GAD1: variants seen among roughly 807,000 people sequenced by gnomAD.
GAD1 encodes glutamate decarboxylase 1.
Under a neutral mutation model 75.2 loss-of-function variants are expected in GAD1, and 35 were observed. The observed-to-expected ratio is 0.47, with a 90% CI of 0.36 to 0.62. GAD1 has a LOEUF of 0.62. Among genes scored for constraint, GAD1 ranks in the 20% least tolerant of loss-of-function variants. GAD1 has a pLI of 0.00. For missense variants in GAD1, 490 were observed against 758.5 expected (o/e 0.65, Z 4.16); for synonymous variants, 257 against 271.9 (o/e 0.95, Z 0.54).
At chr2:170,840,658 A>AAGGGAGGTAGGGAAGGG (rs1553578766) in intron 6 of GAD1, among the ~76,000 whole-genome samples, 4 of 77,320 alleles carry the variant, frequency 5.2e-5, no homozygotes, top group Admixed American at 1.4e-4. Flanking sequence ...GGAGGTAGGG[A>AAGGGAGGTAGGGAAGGG]AGGGAGGGAG....
intron 4 of GAD1, 121 bp downstream of exon 4, chr2:170,829,754 A>G: frequency 3.6e-6 from 4 of 1,108,130 alleles, no homozygotes; most frequent in Admixed American, 4.2e-5. Flanking sequence ...CTGAACCCAC[A>G]TGAAACTGCT....
chr2:170,818,641 C>T lies in GAD1; in HGVS notation c.50C>T (p.Ala17Val), dbSNP rs1273863798. The T allele has an allele frequency of 4.3e-6, 7 of 1,614,114 alleles. No homozygotes were observed. The South Asian group carries it at 5.5e-5, about 13-fold the overall frequency. The change falls in exon 2 of 17, where the codon GCG (alanine) becomes GTG (valine). Residue 17 changes from alanine (A) to valine (V), a missense_variant. Physicochemically the swap from Ala to Val is moderately conservative, Grantham distance 64. This residue lies in a region of GAD1 where 165 missense variants were observed against 216.4 expected (regional missense o/e 0.76). Coordinates refer to ENST00000358196, the MANE Select transcript of GAD1 (RefSeq NM_000817.3). This position sits in a 1 kb window ranked among gnomAD's most constrained non-coding sequence, Gnocchi z 5.9. ...SSSATSSNAG[A>V]DPNTTNLRPT... ...TCCGCAACCTCCTCGAACGCGGGAG[C>T]GGACCCCAATACCACTAACCTGCGC...
rs138222870 is a variant in GAD1 at position 170,830,984 on chromosome 2, C to T, written c.339C>T (p.Thr113=). ...LLPAKNGEEQ[T]VQFLLEVVDI... ...CGGCTAAGAACGGTGAGGAGCAAAC[C>T]GTGCAATTCCTCCTGGAAGTGGTGG... is the stretch of plus-strand genomic sequence containing the variant. Residue 113 remains threonine (T), a synonymous_variant, in exon 5 of 17, where the codon ACC becomes ACT. Transcript: ENST00000358196. 7 of 1,614,144 alleles carry T rather than the reference C, an allele frequency of 4.3e-6. No individual in the cohort carries two copies. The highest frequency in any genetic ancestry group is 1.7e-5 in the Admixed American group (1 of 60,010).
rs201444526 is a variant in GAD1 at position 170,844,067 on chromosome 2, G to A, written c.661G>A (p.Val221Met). Reference sequence around the variant, plus strand: ...CAGGTTTACATATGAAATTGCACCAGTGTTTGTCCTCATGGAACAAATAAC... The same window carrying A: ...CAGGTTTACATATGAAATTGCACCAATGTTTGTCCTCATGGAACAAATAAC... Reference protein sequence around the residue: ...TNMFTYEIAPVFVLMEQITLK... With the variant: ...TNMFTYEIAPMFVLMEQITLK... The change falls in exon 7 of 17, where the codon GTG becomes ATG. Residue 221 changes from valine (V) to methionine (M), a missense_variant. Coordinates refer to ENST00000358196, the MANE Select transcript of GAD1 (RefSeq NM_000817.3). The A allele has an allele frequency of 3.7e-6, 6 of 1,603,504 alleles. No individual in the cohort carries two copies. The highest frequency in any genetic ancestry group is 5.1e-6 in the Non-Finnish European group (6 of 1,170,456).
intron 6 of GAD1, among the ~76,000 whole-genome samples, chr2:170,842,153 T>A (rs1382286622): frequency 6.6e-6 from 1 of 152,180 alleles, no homozygotes; most frequent in Non-Finnish European, 1.5e-5. Flanking sequence ...ATGCAAACCT[T>A]GGGCCTAATT....
chr2:170,823,617 C>T (rs1701949914), intron 3 of GAD1, among the ~76,000 whole-genome samples: 1 of 152,110 alleles, frequency 6.6e-6, no homozygotes, highest in Admixed American at 6.5e-5. Flanking sequence ...GGCCGCGGAT[C>T]TTTGTTCTAT....
At chr2:170,838,700 A>C (rs1347868901) in intron 6 of GAD1, among the ~76,000 whole-genome samples, 1 of 152,150 alleles carries the variant, frequency 6.6e-6, no homozygotes, top group Non-Finnish European at 1.5e-5. Context: ...ATATTCCTAA[A>C]CCAGAAAAAT....
intron 5 of GAD1, among the ~76,000 whole-genome samples, chr2:170,836,341 T>C (rs1702373720): frequency 6.6e-6 from 1 of 152,182 alleles, no homozygotes; most frequent in African/African-American, 2.4e-5. Context: ...TGTTAAAGCA[T>C]ACTGTGGGTT....
At position 170,818,180 on chromosome 2, in the gene GAD1, C is replaced by T. The variant is rs1701761486; in HGVS notation, c.-63-349C>T. Reference sequence around the variant, plus strand: ...GCTCACTGAGCGCTCCCCTGTGCTCCTAGCCTAGTCCCCCACACCCTTGCG... The same window carrying T: ...GCTCACTGAGCGCTCCCCTGTGCTCTTAGCCTAGTCCCCCACACCCTTGCG... On this transcript the variant is annotated intron_variant, in intron 1 of 16. Coordinates refer to ENST00000358196, the MANE Select transcript of GAD1 (RefSeq NM_000817.3). The surrounding 1 kb of genome is among the most constrained non-coding windows in gnomAD (Gnocchi z 5.9). 4.2e-6 allele frequency: 1 copy of T among 235,650 alleles called. No individual in the cohort carries two copies. 14.6% of individuals were successfully genotyped at this position (235,650 alleles called of 1,614,324 possible). A position where few individuals can be genotyped will look rare whatever the true frequency, so the allele number is the denominator to read the frequency against.
At chr2:170,852,154 T>C (rs1203416763) in intron 12 of GAD1, among the ~76,000 whole-genome samples, 1 of 152,232 alleles carries the variant, frequency 6.6e-6, no homozygotes, top group Non-Finnish European at 1.5e-5. Context: ...TTGGGTAATA[T>C]ATTTAACCTT....
At chr2:170,834,727 T>A (rs1238008433) in intron 5 of GAD1, among the ~76,000 whole-genome samples, 1 of 151,484 alleles carries the variant, frequency 6.6e-6, no homozygotes, top group East Asian at 1.9e-4. Context: ...TGAAAGCAAA[T>A]CCCCAACATA....
intron 10 of GAD1, among the ~76,000 whole-genome samples, chr2:170,846,616 T>C (rs2105800700): frequency 6.6e-6 from 1 of 152,296 alleles, no homozygotes; most frequent in African/African-American, 2.4e-5. Flanking sequence ...TATACCTCCT[T>C]CTCTAATTGT....
chr2:170,848,223 C>T (rs892080316), intron 11 of GAD1, among the ~76,000 whole-genome samples: 1 of 152,130 alleles, frequency 6.6e-6, no homozygotes, highest in African/African-American at 2.4e-5. Flanking sequence ...TCTGGCTGGG[C>T]GCGGTGGCTC....
At position 170,846,011 on chromosome 2, in the gene GAD1, G is replaced by A; in HGVS notation, c.950G>A (p.Gly317Glu). The A allele has an allele frequency of 6.2e-7, 1 of 1,612,974 alleles. No individual in the cohort carries two copies. ...CCCTCCTTTTCCAATAATTATAGGG[G>A]GAAAATAATTCCAGCTGATTTTGAG... ...NVILIKCNER[G>E]KIIPADFEAK... Residue 317 changes from glycine to glutamate, a missense_variant and splice_region_variant, in exon 10 of 17, where the codon GGG becomes GAG. By Grantham distance (98) the Gly-to-Glu change is moderately conservative. Around this residue, in one of 3 missense-constraint regions of GAD1, gnomAD observed 324 missense variants for 523.9 expected, o/e 0.62. Coordinates refer to ENST00000358196, the MANE Select transcript of GAD1 (RefSeq NM_000817.3).
Position 170,857,141 on chromosome 2 carries a change from G to T in GAD1, c.1521+16G>T, listed in dbSNP as rs754741195. The T allele has an allele frequency of 6.3e-7, 1 of 1,585,014 alleles. No homozygotes were observed. ...CAATGGCGAGGTAGGTAATCATCAT[G>T]GACCAGGTACACAGTATTTCCAGAA... On this transcript the variant is annotated intron_variant, in intron 15 of 16. Coordinates refer to ENST00000358196, the MANE Select transcript of GAD1 (RefSeq NM_000817.3).
rs962220082 is a variant in GAD1, at chr2:170,818,453, G to GC, written c.-63-71dup. The GC allele has an allele frequency of 1.3e-5, 10 of 792,192 alleles. No individual in the cohort carries two copies. The highest frequency in any genetic ancestry group is 2.3e-5 in the Non-Finnish European group (10 of 443,064). The allele number at this position is 792,192 out of a possible 1,614,324, so 49.1% of individuals were successfully genotyped here. A position where few individuals can be genotyped will look rare whatever the true frequency, so the allele number is the denominator to read the frequency against. On this transcript the variant is annotated intron_variant, in intron 1 of 16. Coordinates refer to ENST00000358196, the MANE Select transcript of GAD1 (RefSeq NM_000817.3). This position sits in a 1 kb window ranked among gnomAD's most constrained non-coding sequence, Gnocchi z 5.9. ...CCGGATCTTCAAGGGGAGCCTCCGT[G>GC]CCCCCGGCTGCTCAGTCCCTCCGGT...
chr2:170,855,498 G>T (rs372587420), intron 14 of GAD1, among the ~76,000 whole-genome samples: 1 of 150,656 alleles, frequency 6.6e-6, no homozygotes, highest in Non-Finnish European at 1.5e-5. Flanking sequence ...GTGAGCCACC[G>T]CACCCAGCTC....
At chr2:170,839,655 T>C (rs60418431) in intron 6 of GAD1, among the ~76,000 whole-genome samples, 8,128 of 151,992 alleles carry the variant, frequency 0.053, 445 homozygotes, top group East Asian at 0.25. Flanking sequence ...TTTACACCTG[T>C]TTCTGCACAT....
chr2:170,825,633 A>G (rs1161695309), intron 3 of GAD1, among the ~76,000 whole-genome samples: 1 of 152,172 alleles, frequency 6.6e-6, no homozygotes, highest in Non-Finnish European at 1.5e-5. Context: ...ACACTCTCTC[A>G]CTGGGCCCCA....
Sources: allele counts gnomAD v4.1 joint callset (sites outside exome capture counted in the v4.1 genomes callset), GRCh38; gene constraint gnomAD v4.1.1; regional missense constraint gnomAD v4.1.1; non-coding constraint Gnocchi (gnomAD v3.1); transcripts MANE v1.5; gene names NCBI Gene and HGNC (gene_info 2026-07-23, HGNC 2026-07-21).